The following HIVEP1 variants were observed in gnomAD, a reference collection of about 807,000 sequenced individuals.
HIVEP1 encodes zinc finger protein 40.
A neutral mutation model predicts 180.0 loss-of-function variants in HIVEP1; 36 were observed. The observed-to-expected ratio is 0.20, with a 90% CI of 0.15 to 0.26. The LOEUF (loss-of-function observed/expected upper bound fraction) is 0.26. Ranked by LOEUF, HIVEP1 falls within the 10% of genes least tolerant of loss-of-function variation. The probability of loss-of-function intolerance (pLI) is 1.00; values close to 1 mark genes in which losing one functional copy is unlikely to be tolerated. For synonymous variants in HIVEP1, 1,239 were observed against 1,239.0 expected, an observed-to-expected ratio of 1.00 and a Z score of 0.00; for missense variants, 3,143 against 3,268.7, an observed-to-expected ratio of 0.96 and a Z score of 0.94.
Position 12,163,192 on chromosome 6 carries a change from T to C in HIVEP1, c.6979-91T>C. On this transcript the variant is annotated intron_variant, in intron 8 of 8. Transcript: ENST00000379388. ...CAATGCAAATATACTTACTTTTATC[T>C]CATTGTGAAGAAATAGATTTAGCAC... 3 of 932,208 alleles carry C rather than the reference T, an allele frequency of 3.2e-6. No homozygotes were observed. The South Asian group carries it at 4.8e-5, about 15-fold the overall frequency. The allele number at this position is 932,208 out of a possible 1,614,324, so 57.7% of individuals were successfully genotyped here.
the HIVEP1 span, among the ~76,000 whole-genome samples, chr6:12,181,556 G>A: frequency 9.9e-5 from 15 of 151,804 alleles, no homozygotes; most frequent in African/African-American, 3.4e-4. Context: ...GACTACAGGC[G>A]CATGCCACCA....
chr6:12,032,641 G>A (rs1229831134), intron 2 of HIVEP1, among the ~76,000 whole-genome samples: 1 of 151,882 alleles, frequency 6.6e-6, no homozygotes, highest in Admixed American at 6.6e-5. Context: ...CCTACCTTAT[G>A]GGTTATTTTG....
chr6:12,093,978 C>T (rs191554369), intron 3 of HIVEP1, among the ~76,000 whole-genome samples: 2 of 152,078 alleles, frequency 1.3e-5, no homozygotes, highest in African/African-American at 4.8e-5. Flanking sequence ...GCAAACTGAC[C>T]ATCTTCACAG....
Position 12,118,141 on chromosome 6 carries a change from G to T in HIVEP1, c.95-1749G>T, listed in dbSNP as rs868091472. 2.2e-3 allele frequency among the ~76,000 whole-genome samples: 300 copies of T among 135,028 alleles called. 1 individual carries two copies. Among genetic ancestry groups the T allele is most frequent in the Middle Eastern group, 0.015 (4 of 268 alleles). The allele number at this position is 135,028 out of a possible 152,430, so 88.6% of individuals were successfully genotyped here. The stretch of plus-strand genomic sequence containing the variant: ...TATTTTAGTTATGAGACCCCCTTTT[G>T]TTTTTTTTTTTATTATGGTGGGTAA... On this transcript the variant is annotated intron_variant, in intron 3 of 8. Coordinates refer to ENST00000379388, the MANE Select transcript of HIVEP1 (RefSeq NM_002114.4).
intron 2 of HIVEP1, among the ~76,000 whole-genome samples, chr6:12,057,107 G>C (rs1273974199): frequency 6.6e-6 from 1 of 152,122 alleles, no homozygotes; most frequent in Non-Finnish European, 1.5e-5. Context: ...ATAATGAATT[G>C]TAAGCATAGA....
the HIVEP1 span, among the ~76,000 whole-genome samples, chr6:12,209,890 G>C: frequency 6.6e-6 from 1 of 152,170 alleles, no homozygotes; most frequent in African/African-American, 2.4e-5. Context: ...TCTAAAAGCA[G>C]AGTAGGCAGT....
At position 12,120,466 on chromosome 6, in the gene HIVEP1, T is replaced by G; in HGVS notation, c.671T>G (p.Leu224Arg). 6.2e-7 allele frequency: 1 copy of G among 1,614,150 alleles called. No individual in the cohort carries two copies. Among genetic ancestry groups the G allele is most frequent in the Non-Finnish European group, 8.5e-7 (1 of 1,180,020 alleles). ...CCTTGTGCAATTAAGACAGAAAAAC[T>G]GAGGCCAAATAAAACTGCACGTTCC... ...GSPCAIKTEK[L>R]RPNKTARSPP... Residue 224 changes from leucine to arginine, a missense_variant, in exon 4 of 9, where the codon CTG becomes CGG. By Grantham distance (102) the Leu-to-Arg change is moderately radical (BLOSUM62 -2). Coordinates refer to ENST00000379388, the MANE Select transcript of HIVEP1 (RefSeq NM_002114.4).
intron 8 of HIVEP1, among the ~76,000 whole-genome samples, chr6:12,163,081 G>A (rs182942232): frequency 6.9e-4 from 105 of 152,232 alleles, no homozygotes; most frequent in African/African-American, 2.3e-3. Context: ...TACCAGAAAC[G>A]AAATTAAAGA....
chr6:12,031,721 C>A (rs1768952495), intron 2 of HIVEP1, among the ~76,000 whole-genome samples: 1 of 152,200 alleles, frequency 6.6e-6, no homozygotes, highest in African/African-American at 2.4e-5. Context: ...CGAAGAAATG[C>A]CCCTCCACGT....
chr6:12,034,802 G>A lies in HIVEP1; in HGVS notation c.40+19134G>A, dbSNP rs187163660. Among the ~76,000 whole-genome samples, 3 of 152,350 alleles carry A rather than the reference G, an allele frequency of 2.0e-5. No individual in the cohort carries two copies. In the East Asian group the frequency reaches 5.8e-4, roughly 29 times the overall value. On this transcript the variant is annotated intron_variant, in intron 2 of 8. Coordinates refer to ENST00000379388, the MANE Select transcript of HIVEP1 (RefSeq NM_002114.4). ...AAGGAATTTGGGGTCAGAGACTTGG[G>A]TAAGGAGAGTAACCTGGTCAAATAG...
chr6:12,060,796 C>T (rs141190181), intron 2 of HIVEP1, among the ~76,000 whole-genome samples: 55 of 152,202 alleles, frequency 3.6e-4, no homozygotes, highest in African/African-American at 1.1e-3. Flanking sequence ...GGCCATTAAA[C>T]GGTTGGGAAG....
chr6:12,034,715 TC>T (rs1352925298), intron 2 of HIVEP1, among the ~76,000 whole-genome samples: 1 of 152,234 alleles, frequency 6.6e-6, no homozygotes, highest in Non-Finnish European at 1.5e-5. Flanking sequence ...AGTCCCAGTT[TC>T]GTAAAACCTA....
intron 7 of HIVEP1, among the ~76,000 whole-genome samples, chr6:12,140,374 T>C (rs1198094213): frequency 6.6e-6 from 1 of 152,068 alleles, no homozygotes; most frequent in Non-Finnish European, 1.5e-5. Context: ...GTCACCAACA[T>C]CAAAGACCAA....
At chr6:12,013,983 A>G (rs1306495211) in intron 1 of HIVEP1, among the ~76,000 whole-genome samples, 1 of 152,222 alleles carries the variant, frequency 6.6e-6, no homozygotes, top group Non-Finnish European at 1.5e-5. Context: ...AAAACCTTAT[A>G]CTGGGATGTT....
At chr6:12,139,224 C>T (rs1220017955) in intron 7 of HIVEP1, among the ~76,000 whole-genome samples, 1 of 152,156 alleles carries the variant, frequency 6.6e-6, no homozygotes, top group Non-Finnish European at 1.5e-5. Flanking sequence ...CCCTGAGGCT[C>T]AGCTCCCCAA....
chr6:12,150,202 G>A (rs1007226101), intron 7 of HIVEP1, among the ~76,000 whole-genome samples: 1 of 152,044 alleles, frequency 6.6e-6, no homozygotes, highest in Non-Finnish European at 1.5e-5. Context: ...TATAGCCTCG[G>A]GAATTTTGTT....
At chr6:12,173,553 T>C in the HIVEP1 span, among the ~76,000 whole-genome samples, 2 of 152,160 alleles carry the variant, frequency 1.3e-5, no homozygotes. Flanking sequence ...GCAATAGAGG[T>C]CCCTACATAT....
intron 2 of HIVEP1, among the ~76,000 whole-genome samples, chr6:12,032,389 G>A (rs569874133): frequency 5.3e-5 from 8 of 152,048 alleles, no homozygotes; most frequent in African/African-American, 1.7e-4. Flanking sequence ...TGATCCGCCC[G>A]CCTCAGCCTC....
intron 6 of HIVEP1, among the ~76,000 whole-genome samples, chr6:12,133,156 A>G (rs1758516913): frequency 6.6e-6 from 1 of 152,230 alleles, no homozygotes; most frequent in Admixed American, 6.5e-5. Flanking sequence ...TTCTGATGGT[A>G]ATGCTTACAA....
Sources: gnomAD v4.1 joint callset for allele counts (sites outside exome capture counted in the v4.1 genomes callset) on GRCh38, gnomAD v4.1.1 for gene constraint, MANE v1.5 for transcripts, NCBI Gene and HGNC (gene_info 2026-07-23, HGNC 2026-07-21) for gene names.